The following SMNDC1 variants were observed in gnomAD, a reference collection of about 807,000 sequenced individuals.
The protein encoded by SMNDC1 is survival motor neuron domain containing 1.
A neutral mutation model predicts 29.2 loss-of-function variants in SMNDC1; 5 were observed. The ratio of observed to expected loss-of-function variants is 0.17; its 90% CI spans 0.09 to 0.36. The LOEUF is 0.36. Ranked by LOEUF, SMNDC1 falls within the 10% of genes least tolerant of loss-of-function variation. SMNDC1 has a pLI of 1.00. For synonymous variants in SMNDC1, 80 were observed against 89.9 expected (o/e 0.89, Z 0.62); for missense variants, 142 against 268.5 (o/e 0.53, Z 3.29).
intron 4 of SMNDC1, 118 bp downstream of exon 4, chr10:110,297,449 T>A: frequency 1.1e-6 from 1 of 943,490 alleles, no homozygotes; most frequent in East Asian, 2.5e-5. Flanking sequence ...TTGCTAATCT[T>A]CAAAACAACG....
chr10:110,297,182 G>A (rs74787851), intron 4 of SMNDC1, among the ~76,000 whole-genome samples: 2,995 of 152,192 alleles, frequency 0.02, 33 homozygotes, highest in Non-Finnish European at 0.03. Context: ...ACCTGTTATA[G>A]CTCCTTTGTA....
intron 1 of SMNDC1, 143 bp from the exon 2 acceptor site, chr10:110,303,730 T>C (rs1857693457): frequency 1.5e-6 from 1 of 681,312 alleles, no homozygotes; most frequent in Admixed American, 4.0e-5. Flanking sequence ...CCATTACCTT[T>C]ACTCTCAGTT....
rs1857724761 is a variant in SMNDC1, at chr10:110,304,906, G to GGGGAAGGGAGGAACGCCGGGCAC, written c.-160_-159insGTGCCCGGCGTTCCTCCCTTCCC. ...AAGGAAGAACTCGGTCGGCGGCGAGGGGGAAGGGAGGAACGCCGGGCACTG... is the reference window on the plus strand; with the variant it reads ...AAGGAAGAACTCGGTCGGCGGCGAGGGGGAAGGGAGGAACGCCGGGCACGGGAAGGGAGGAACGCCGGGCACTG... On this transcript the variant is annotated 5_prime_UTR_variant, in exon 1 of 6. Coordinates refer to ENST00000369603, the MANE Select transcript of SMNDC1 (RefSeq NM_005871.4). 1 of 152,376 alleles carries GGGGAAGGGAGGAACGCCGGGCAC rather than the reference G, an allele frequency of 6.6e-6. No homozygotes were observed. Among genetic ancestry groups the GGGGAAGGGAGGAACGCCGGGCAC allele is most frequent in the Non-Finnish European group, 1.5e-5 (1 of 68,154 alleles). The allele number at this position is 152,376 out of a possible 1,614,324, so 9.4% of individuals were successfully genotyped here.
chr10:110,302,670 G>T (rs114750307), intron 2 of SMNDC1, among the ~76,000 whole-genome samples: 1,821 of 152,168 alleles, frequency 0.012, 41 homozygotes, highest in African/African-American at 0.041. Context: ...TTAAAAATCA[G>T]GTTCAGAATT....
intron 1 of SMNDC1, 45 bp from the exon 2 acceptor site, chr10:110,303,632 A>G (rs868221363): frequency 1.3e-6 from 2 of 1,535,334 alleles, no homozygotes; most frequent in Middle Eastern, 3.4e-4. Flanking sequence ...TAAACCAAAA[A>G]TCAAGGCATA....
At position 110,296,763 on chromosome 10, in the gene SMNDC1, T is replaced by C. The variant is rs566101882; in HGVS notation, c.425+804A>G. 1.1e-4 allele frequency among the ~76,000 whole-genome samples: 17 copies of C among 152,256 alleles called. No homozygotes were observed. In the South Asian group the frequency reaches 3.3e-3, roughly 30 times the overall value. On this transcript the variant is annotated intron_variant, in intron 4 of 5. Transcript: ENST00000369603. The stretch of plus-strand genomic sequence containing the variant: ...CTTACAAGCTCTTTATGTTCTGGAC[T>C]TTACCTCTCTAATCTCTTCTCAGAC...
chr10:110,299,437 G>A (rs1257344763), intron 2 of SMNDC1, among the ~76,000 whole-genome samples: 1 of 151,962 alleles, frequency 6.6e-6, no homozygotes, highest in Non-Finnish European at 1.5e-5. Context: ...TTTAAAAGGG[G>A]GAAAAAAAGG....
Position 110,293,898 on chromosome 10 carries a change from G to A in SMNDC1, c.*252C>T. On this transcript the variant is annotated 3_prime_UTR_variant, in exon 6 of 6. Coordinates refer to ENST00000369603, the MANE Select transcript of SMNDC1 (RefSeq NM_005871.4). ...AAGATCAATAATTCATCTAAGTGCT[G>A]TATGAAACAGCATCTACAAAAGTTG... 3.4e-6 allele frequency: 1 copy of A among 292,840 alleles called. No homozygotes were observed. The highest frequency in any genetic ancestry group is 8.4e-5 in the South Asian group (1 of 11,938). 18.1% of individuals were successfully genotyped at this position (292,840 alleles called of 1,614,324 possible). A position where few individuals can be genotyped will look rare whatever the true frequency, so the allele number is the denominator to read the frequency against.
rs1196924966 is a variant in SMNDC1 at position 110,291,528 on chromosome 10, C to T, written c.*2622G>A. The T allele has an allele frequency of 6.6e-6, 1 of 152,212 alleles. No individual in the cohort carries two copies. Among genetic ancestry groups the T allele is most frequent in the Non-Finnish European group, 1.5e-5 (1 of 68,048 alleles). 9.4% of individuals were successfully genotyped at this position (152,212 alleles called of 1,614,324 possible). A position where few individuals can be genotyped will look rare whatever the true frequency, so the allele number is the denominator to read the frequency against. Reference sequence around the variant, plus strand: ...AAAATATCAGATAATTCACCACTGCCACTCTGCAGAGTAATAGCAGACGCT... The same window carrying T: ...AAAATATCAGATAATTCACCACTGCTACTCTGCAGAGTAATAGCAGACGCT... On this transcript the variant is annotated 3_prime_UTR_variant, in exon 6 of 6. Coordinates refer to ENST00000369603, the MANE Select transcript of SMNDC1 (RefSeq NM_005871.4).
At position 110,298,835 on chromosome 10, in the gene SMNDC1, C is replaced by T. The variant is rs748177062; in HGVS notation, c.121-45G>A. The T allele has an allele frequency of 3.4e-6, 5 of 1,478,178 alleles. No individual in the cohort carries two copies. In the African/African-American group the frequency reaches 5.6e-5, roughly 17 times the overall value. The allele number at this position is 1,478,178 out of a possible 1,614,324, so 91.6% of individuals were successfully genotyped here. ...ACTACAACATTATTTTTATAATTCT[C>T]ATTGTCAACTTAGTTTCTGATGACA... is the stretch of plus-strand genomic sequence containing the variant. On this transcript the variant is annotated intron_variant, in intron 2 of 5. Coordinates refer to ENST00000369603, the MANE Select transcript of SMNDC1 (RefSeq NM_005871.4).
Position 110,295,264 on chromosome 10 carries a change from G to A in SMNDC1, c.543C>T (p.Phe181=). 1 of 1,605,442 alleles carries A rather than the reference G, an allele frequency of 6.2e-7. No homozygotes were observed. Among genetic ancestry groups the A allele is most frequent in the South Asian group, 1.1e-5 (1 of 88,494 alleles). The stretch of plus-strand genomic sequence containing the variant: ...TGTTTTTAGAATAGGCTCTGTTGTT[G>A]AATTGTTGCCATTTCACTTTCTGGT... ...REDQKVKWQQ[F]NNRAYSKNKK... is the part of the protein sequence containing the mutation. The change falls in exon 5 of 6, where the codon TTC becomes TTT. Residue 181 remains phenylalanine (F), a synonymous_variant. Coordinates refer to ENST00000369603, the MANE Select transcript of SMNDC1 (RefSeq NM_005871.4).
chr10:110,300,489 TG>T, intron 2 of SMNDC1: 1 of 870,406 alleles, frequency 1.1e-6, no homozygotes, highest in Non-Finnish European at 1.4e-6. Context: ...CATGTGCGTA[TG>T]GACCAAAGTA....
At position 110,291,203 on chromosome 10, in the gene SMNDC1, TC is replaced by T. The variant is rs1395157571; in HGVS notation, c.*2946del. 1 of 152,212 alleles carries T rather than the reference TC, an allele frequency of 6.6e-6. No individual in the cohort carries two copies. The highest frequency in any genetic ancestry group is 1.9e-4 in the East Asian group (1 of 5,202). The allele number at this position is 152,212 out of a possible 1,614,324, so 9.4% of individuals were successfully genotyped here. A position where few individuals can be genotyped will look rare whatever the true frequency, so the allele number is the denominator to read the frequency against. On this transcript the variant is annotated 3_prime_UTR_variant, in exon 6 of 6. Coordinates refer to ENST00000369603, the MANE Select transcript of SMNDC1 (RefSeq NM_005871.4). ...TGCACATCAGGATCACCTGCGGTGT[TC>T]GTCAAACAACATACCTTGGCCTGGA... is the stretch of plus-strand genomic sequence containing the variant.
rs201139095 is a variant in SMNDC1, at chr10:110,303,540, G to A, written c.48C>T (p.Leu16=). 1.3e-5 allele frequency: 21 copies of A among 1,580,432 alleles called. No homozygotes were observed. The highest frequency in any genetic ancestry group is 1.2e-4 in the African/African-American group (9 of 72,336). The change falls in exon 2 of 6, where the codon CTC becomes CTT. Residue 16 remains leucine, a synonymous_variant. Transcript: ENST00000369603. ...AKQLASYKAQ[L]QQVEAALSGN... Reference sequence around the variant, plus strand: ...CAGATAATGCAGCTTCAACTTGCTGGAGCTGAGCTTTGTAGCTTGCCAGCT... The same window carrying A: ...CAGATAATGCAGCTTCAACTTGCTGAAGCTGAGCTTTGTAGCTTGCCAGCT...
chr10:110,294,309 T>TCA, intron 5 of SMNDC1, 22 bp from the exon 6 acceptor site: 3 of 1,560,216 alleles, frequency 1.9e-6, no homozygotes, highest in African/African-American at 2.8e-5. Flanking sequence ...AAAACAGAAA[T>TCA]CATTCCTGAT....
Position 110,291,471 on chromosome 10 carries a change from T to C in SMNDC1, c.*2679A>G, listed in dbSNP as rs1857498548. The C allele has an allele frequency of 6.6e-6, 1 of 152,324 alleles. No individual in the cohort carries two copies. The highest frequency in any genetic ancestry group is 6.5e-5 in the Admixed American group (1 of 15,296). 9.4% of individuals were successfully genotyped at this position (152,324 alleles called of 1,614,324 possible). On this transcript the variant is annotated 3_prime_UTR_variant, in exon 6 of 6. Transcript: ENST00000369603. ...CATAAACAATGGGTATTGTTATCCA[T>C]TGTAATGTGGATTGCTATTCAAGTT...
chr10:110,304,190 T>C (rs565213057), intron 1 of SMNDC1: 28 of 152,368 alleles, frequency 1.8e-4, no homozygotes, highest in African/African-American at 6.3e-4. Context: ...CTAACGAATG[T>C]GCCTTTCGCC....
rs529053662 is a variant in SMNDC1, at chr10:110,293,451, A to G, written c.*699T>C. 1 of 152,688 alleles carries G rather than the reference A, an allele frequency of 6.5e-6. No individual in the cohort carries two copies. The highest frequency in any genetic ancestry group is 2.1e-4 in the South Asian group (1 of 4,828). 9.5% of individuals were successfully genotyped at this position (152,688 alleles called of 1,614,324 possible). A position where few individuals can be genotyped will look rare whatever the true frequency, so the allele number is the denominator to read the frequency against. On this transcript the variant is annotated 3_prime_UTR_variant, in exon 6 of 6. Coordinates refer to ENST00000369603, the MANE Select transcript of SMNDC1 (RefSeq NM_005871.4). Reference sequence around the variant, plus strand: ...CATCACACATCCAAAACATGGTACCACTGCCGTAAATGGAAAAAACAAAAA... The same window carrying G: ...CATCACACATCCAAAACATGGTACCGCTGCCGTAAATGGAAAAAACAAAAA...
At chr10:110,304,232 G>A (rs969739585) in intron 1 of SMNDC1, 5 of 152,246 alleles carry the variant, frequency 3.3e-5, no homozygotes, top group African/African-American at 1.2e-4. Context: ...CTGAAAATAA[G>A]ATACCAATTA....
Sources: allele counts gnomAD v4.1 joint callset (sites outside exome capture counted in the v4.1 genomes callset), GRCh38; gene constraint gnomAD v4.1.1; transcripts MANE v1.5; gene names NCBI Gene and HGNC (gene_info 2026-07-23, HGNC 2026-07-21).